SNX1: variants seen among roughly 807,000 people sequenced by gnomAD.
SNX1 encodes sorting nexin-1.
Under a neutral mutation model 71.8 loss-of-function variants are expected in SNX1, and 36 were observed. That is an observed-to-expected ratio of 0.50 (90% CI 0.38 to 0.66). The LOEUF is 0.66. Ranked by LOEUF, SNX1 falls within the 30% of genes least tolerant of loss-of-function variation. SNX1 has a pLI of 0.00. For missense variants in SNX1, 612 were observed against 646.7 expected (o/e 0.95, Z 0.58); for synonymous variants, 254 against 240.7 (o/e 1.06, Z -0.51).
At chr15:64,100,273 C>T (rs2080945109) in intron 1 of SNX1, among the ~76,000 whole-genome samples, 1 of 152,120 alleles carries the variant, frequency 6.6e-6, no homozygotes, top group South Asian at 2.1e-4. Flanking sequence ...CAGGCTTACA[C>T]ATGCATCTCA....
chr15:64,137,190 T>G (rs2081367880), intron 14 of SNX1, among the ~76,000 whole-genome samples: 1 of 152,214 alleles, frequency 6.6e-6, no homozygotes, highest in African/African-American at 2.4e-5. Flanking sequence ...TCCCTGTAAC[T>G]GCTTACCCTT....
intron 3 of SNX1, 96 bp from the exon 4 acceptor site, chr15:64,118,692 C>T: frequency 2.2e-6 from 2 of 897,530 alleles, no homozygotes; most frequent in Non-Finnish European, 3.5e-6. Context: ...AAGGATACAT[C>T]TTGATTTTAT....
At chr15:64,136,456 TTGGGAG>T (rs1462937078) in intron 13 of SNX1, 46 bp downstream of exon 13, 2 of 1,505,364 alleles carry the variant, frequency 1.3e-6, no homozygotes, top group East Asian at 4.5e-5. Flanking sequence ...AGTGCTTGTT[TTGGGAG>T]TACTCTTGGT....
At chr15:64,137,348 T>G (rs2081369305) in intron 14 of SNX1, among the ~76,000 whole-genome samples, 1 of 152,228 alleles carries the variant, frequency 6.6e-6, no homozygotes, top group African/African-American at 2.4e-5. Context: ...GAGCCAAGAC[T>G]GTCTTCAGAG....
chr15:64,096,951 A>G (rs186961865), intron 1 of SNX1, among the ~76,000 whole-genome samples: 10 of 152,374 alleles, frequency 6.6e-5, no homozygotes, highest in African/African-American at 2.4e-4. Flanking sequence ...AAAATAACAA[A>G]GGAATGAAAC....
At chr15:64,130,818 A>G (rs1224485119) in intron 10 of SNX1, among the ~76,000 whole-genome samples, 1 of 152,256 alleles carries the variant, frequency 6.6e-6, no homozygotes, top group Non-Finnish European at 1.5e-5. Flanking sequence ...GAAGACCCAT[A>G]GCATGAGGCC....
rs547808801 is a variant in SNX1 at position 64,142,500 on chromosome 15, C to A, written c.*4882C>A. The A allele has an allele frequency of 1.9e-5, 7 of 367,370 alleles. No individual in the cohort carries two copies. The East Asian group carries it at 4.5e-4, about 24-fold the overall frequency. 22.8% of individuals were successfully genotyped at this position (367,370 alleles called of 1,614,324 possible). ...AGCCATGTTTGGAAGAAAATGGGGTCCAGAGCACAGGAAGGGGACCTGTGT... is the reference window on the plus strand; with the variant it reads ...AGCCATGTTTGGAAGAAAATGGGGTACAGAGCACAGGAAGGGGACCTGTGT... On this transcript the variant is annotated 3_prime_UTR_variant, in exon 15 of 15. Transcript: ENST00000559844.
rs1056533815 is a variant in SNX1, at chr15:64,105,376, GA to G, written c.160-7188del. On this transcript the variant is annotated intron_variant, in intron 1 of 14. Transcript: ENST00000559844. Reference sequence around the variant, plus strand: ...GTTCATTAGTTTGGACTGGAGAAAAGAAAAAAAAATCTGATATCTCTTCCTT... The same window carrying G: ...GTTCATTAGTTTGGACTGGAGAAAAGAAAAAAAATCTGATATCTCTTCCTT... 4.6e-5 allele frequency among the ~76,000 whole-genome samples: 7 copies of G among 151,316 alleles called. No individual in the cohort carries two copies. The South Asian group carries it at 1.2e-3, about 27-fold the overall frequency.
At chr15:64,100,753 T>C (rs1434525621) in intron 1 of SNX1, among the ~76,000 whole-genome samples, 1 of 152,192 alleles carries the variant, frequency 6.6e-6, no homozygotes. Flanking sequence ...CAGAAACTAC[T>C]CCTAAATCTG....
At position 64,138,065 on chromosome 15, in the gene SNX1, G is replaced by A. The variant is rs1567335006; in HGVS notation, c.*447G>A. The A allele has an allele frequency of 1.3e-6, 2 of 1,535,050 alleles. No individual in the cohort carries two copies. Among genetic ancestry groups the A allele is most frequent in the Non-Finnish European group, 1.7e-6 (2 of 1,146,642 alleles). On this transcript the variant is annotated 3_prime_UTR_variant, in exon 15 of 15. Transcript: ENST00000559844. ...AGGCTGGGGAGCAGTTGGGAATCAG[G>A]TCTGGAATACTCCTAACCAAGAAGT...
chr15:64,137,659 T>G lies in SNX1; in HGVS notation c.*41T>G. 6.2e-7 allele frequency: 1 copy of G among 1,613,834 alleles called. No homozygotes were observed. The highest frequency in any genetic ancestry group is 8.5e-7 in the Non-Finnish European group (1 of 1,179,838). ...AGAGCCCACCTGTGTGACGCTGCCT[T>G]TTTATACACTGTCCTCCTCCACCTT... On this transcript the variant is annotated 3_prime_UTR_variant, in exon 15 of 15. Transcript: ENST00000559844.
chr15:64,110,808 A>G (rs1246114138), intron 1 of SNX1, among the ~76,000 whole-genome samples: 1 of 152,220 alleles, frequency 6.6e-6, no homozygotes, highest in Non-Finnish European at 1.5e-5. Flanking sequence ...AGGGAAAGAT[A>G]GACTACTATT....
intron 11 of SNX1, among the ~76,000 whole-genome samples, chr15:64,132,759 G>A (rs1332719782): frequency 1.3e-5 from 2 of 152,208 alleles, no homozygotes; most frequent in Admixed American, 1.3e-4. Flanking sequence ...TGTGCGTTGT[G>A]TCAGGAGCTG....
rs2081404664 is a variant in SNX1 at position 64,140,787 on chromosome 15, G to T, written c.*3169G>T. ...TTGGTAGAAATGGGGGTTTTACCATGTTGGGGAGGCTGGTCTCGAACTCCT... is the reference window on the plus strand; with the variant it reads ...TTGGTAGAAATGGGGGTTTTACCATTTTGGGGAGGCTGGTCTCGAACTCCT... On this transcript the variant is annotated 3_prime_UTR_variant, in exon 15 of 15. Coordinates refer to ENST00000559844, the MANE Select transcript of SNX1 (RefSeq NM_003099.5). 6.6e-6 allele frequency: 1 copy of T among 152,112 alleles called. No homozygotes were observed. Among genetic ancestry groups the T allele is most frequent in the Non-Finnish European group, 1.5e-5 (1 of 68,046 alleles). The allele number at this position is 152,112 out of a possible 1,614,324, so 9.4% of individuals were successfully genotyped here.
intron 2 of SNX1, 57 bp downstream of exon 2, chr15:64,112,741 C>T: frequency 4.4e-6 from 5 of 1,130,718 alleles, no homozygotes; most frequent in Non-Finnish European, 6.4e-6. Flanking sequence ...TGTTAAGTTG[C>T]TGAGTTAAAG....
chr15:64,131,968 A>G, intron 11 of SNX1, 76 bp downstream of exon 11: 1 of 1,483,314 alleles, frequency 6.7e-7, no homozygotes. Context: ...TTCCCAAGAC[A>G]GTTTCATCCC....
chr15:64,113,273 A>C (rs994615586), intron 2 of SNX1, among the ~76,000 whole-genome samples: 1 of 152,162 alleles, frequency 6.6e-6, no homozygotes, highest in Non-Finnish European at 1.5e-5. Flanking sequence ...CACTATTAAC[A>C]TTTTGGGCTG....
intron 1 of SNX1, among the ~76,000 whole-genome samples, chr15:64,097,233 G>T (rs749239969): frequency 1.3e-4 from 20 of 152,230 alleles, no homozygotes; most frequent in Non-Finnish European, 2.4e-4. Context: ...CATGTGAGAC[G>T]TGGTGGATGG....
intron 10 of SNX1, among the ~76,000 whole-genome samples, chr15:64,130,540 G>T (rs918012712): frequency 6.6e-6 from 1 of 152,180 alleles, no homozygotes; most frequent in African/African-American, 2.4e-5. Flanking sequence ...CCTGGGAGGG[G>T]TGCAGGGAAG....
Sources: gnomAD v4.1 joint callset for allele counts (sites outside exome capture counted in the v4.1 genomes callset) on GRCh38, gnomAD v4.1.1 for gene constraint, MANE v1.5 for transcripts, NCBI Gene and HGNC (gene_info 2026-07-23, HGNC 2026-07-21) for gene names.